The following SUGCT variants were observed in gnomAD, a reference collection of about 807,000 sequenced individuals.
The protein encoded by SUGCT is succinyl-CoA:glutarate-CoA transferase.
Under a neutral mutation model 55.0 loss-of-function variants are expected in SUGCT, and 41 were observed. That is an observed-to-expected ratio of 0.74 (90% CI 0.58 to 0.97). The LOEUF is 0.97. Among genes scored for constraint, SUGCT ranks in the 50% least tolerant of loss-of-function variants. SUGCT has a pLI of 0.00. For missense variants in SUGCT, 568 were observed against 547.8 expected (o/e 1.04, Z -0.37); for synonymous variants, 187 against 200.4 (o/e 0.93, Z 0.56).
intron 13 of SUGCT, among the ~76,000 whole-genome samples, chr7:40,829,704 T>C (rs1038228818): frequency 6.6e-6 from 1 of 152,152 alleles, no homozygotes; most frequent in African/African-American, 2.4e-5. Flanking sequence ...TGCAGTGTCA[T>C]GGTGGGTTCT....
At chr7:40,988,701 G>A in the SUGCT span, among the ~76,000 whole-genome samples, 1 of 152,028 alleles carries the variant, frequency 6.6e-6, no homozygotes. Flanking sequence ...AAGCGTTAAA[G>A]ATAAACTAAA....
chr7:40,550,331 T>A (rs1430187138), intron 12 of SUGCT, among the ~76,000 whole-genome samples: 2 of 152,236 alleles, frequency 1.3e-5, no homozygotes, highest in Non-Finnish European at 2.9e-5. Context: ...TGTTCAGTGT[T>A]GCTAGTGTTA....
intron 13 of SUGCT, among the ~76,000 whole-genome samples, chr7:40,811,872 G>A (rs1361151352): frequency 6.6e-6 from 1 of 152,070 alleles, no homozygotes; most frequent in East Asian, 1.9e-4. Flanking sequence ...TCCAGTTTTT[G>A]CTTGTTCAGT....
chr7:40,396,637 G>A (rs543962352), intron 9 of SUGCT, among the ~76,000 whole-genome samples: 1 of 152,314 alleles, frequency 6.6e-6, no homozygotes, highest in East Asian at 1.9e-4. Flanking sequence ...CCCCCAGGAT[G>A]TGGAGAGAAA....
chr7:40,733,325 A>T (rs1179032836), intron 12 of SUGCT, among the ~76,000 whole-genome samples: 1 of 152,146 alleles, frequency 6.6e-6, no homozygotes, highest in African/African-American at 2.4e-5. Flanking sequence ...GTTATCAGTG[A>T]CCCTGCTCTA....
chr7:40,290,990 A>C (rs540001913), intron 8 of SUGCT, among the ~76,000 whole-genome samples: 2 of 152,186 alleles, frequency 1.3e-5, no homozygotes, highest in Non-Finnish European at 2.9e-5. Context: ...GGCGATCATT[A>C]AAAGTCAGGA....
chr7:40,158,643 G>A (rs188253434), intron 1 of SUGCT, among the ~76,000 whole-genome samples: 2 of 152,166 alleles, frequency 1.3e-5, no homozygotes, highest in East Asian at 1.9e-4. Context: ...CGAACTACTC[G>A]GGAGGCTGAG....
At position 40,596,868 on chromosome 7, in the gene SUGCT, A is replaced by G. The variant is rs146714802; in HGVS notation, c.1089+100482A>G. 1.5e-3 allele frequency among the ~76,000 whole-genome samples: 228 copies of G among 152,296 alleles called. 1 individual carries two copies. The highest frequency in any genetic ancestry group is 5.0e-3 in the African/African-American group (209 of 41,568). On this transcript the variant is annotated intron_variant, in intron 12 of 13. Coordinates refer to ENST00000335693, the MANE Select transcript of SUGCT (RefSeq NM_001193313.2). ...GCACATTTATTCCTGTATTAACACA[A>G]TCTATTATTTAGAATCAAGTGATTT...
the SUGCT span, among the ~76,000 whole-genome samples, chr7:41,000,266 GCACA>G: frequency 1.3e-5 from 2 of 151,756 alleles, no homozygotes; most frequent in African/African-American, 4.8e-5. Flanking sequence ...GCATGCACAT[GCACA>G]CACACACGCA....
At chr7:40,373,743 A>G (rs1784412918) in intron 9 of SUGCT, among the ~76,000 whole-genome samples, 1 of 152,130 alleles carries the variant, frequency 6.6e-6, no homozygotes, top group Non-Finnish European at 1.5e-5. Context: ...TTTGTGCCAA[A>G]TTTATTTTGG....
chr7:40,831,423 A>AGG (rs1457425871), intron 13 of SUGCT, among the ~76,000 whole-genome samples: 1 of 152,220 alleles, frequency 6.6e-6, no homozygotes, highest in Non-Finnish European at 1.5e-5. Context: ...AGAGAGTGAG[A>AGG]GGGAGAACAG....
intron 6 of SUGCT, among the ~76,000 whole-genome samples, chr7:40,216,865 AAAAAG>A (rs1488842958): frequency 1.3e-5 from 2 of 152,092 alleles, no homozygotes; most frequent in African/African-American, 2.4e-5. Flanking sequence ...CGAAAAAAAA[AAAAAG>A]AAAAGTGTTG....
At chr7:40,395,224 C>G (rs574087687) in intron 9 of SUGCT, among the ~76,000 whole-genome samples, 1 of 152,164 alleles carries the variant, frequency 6.6e-6, no homozygotes, top group South Asian at 2.1e-4. Flanking sequence ...TGAGGTGGCT[C>G]ACGCCTGCAA....
At chr7:40,975,132 A>G in the SUGCT span, among the ~76,000 whole-genome samples, 2 of 152,166 alleles carry the variant, frequency 1.3e-5, no homozygotes, top group African/African-American at 4.8e-5. Context: ...TAAATATTCC[A>G]CATATCTTCT....
chr7:40,831,585 C>A (rs1027620266), intron 13 of SUGCT, among the ~76,000 whole-genome samples: 1 of 152,174 alleles, frequency 6.6e-6, no homozygotes, highest in South Asian at 2.1e-4. Context: ...CCTTGAAGCC[C>A]TATATAATGC....
intron 10 of SUGCT, among the ~76,000 whole-genome samples, chr7:40,454,202 T>C (rs1207175092): frequency 6.6e-6 from 1 of 152,214 alleles, no homozygotes; most frequent in African/African-American, 2.4e-5. Flanking sequence ...CCAATATTTA[T>C]GTCATTGTAG....
the SUGCT span, among the ~76,000 whole-genome samples, chr7:41,009,208 T>TCTA: frequency 0.03 from 3,061 of 103,284 alleles, 163 homozygotes; most frequent in African/African-American, 0.11. Flanking sequence ...TGTCTCTCTC[T>TCTA]AAAAAAAAAA....
chr7:40,714,337 C>T (rs970668272), intron 12 of SUGCT, among the ~76,000 whole-genome samples: 2 of 151,796 alleles, frequency 1.3e-5, no homozygotes, highest in African/African-American at 2.4e-5. Context: ...AAAAAACAAA[C>T]AAAAAAAGAA....
the SUGCT span, among the ~76,000 whole-genome samples, chr7:40,939,982 T>C: frequency 1.3e-5 from 2 of 152,144 alleles, no homozygotes; most frequent in African/African-American, 4.8e-5. Context: ...TTCCCTAGGT[T>C]TTCTCCAAGA....
Sources: gnomAD v4.1 joint callset for allele counts (sites outside exome capture counted in the v4.1 genomes callset) on GRCh38, gnomAD v4.1.1 for gene constraint, MANE v1.5 for transcripts, NCBI Gene and HGNC (gene_info 2026-07-23, HGNC 2026-07-21) for gene names.